DEPDC5: variants seen among roughly 807,000 people sequenced by gnomAD.
The protein encoded by DEPDC5 is DEP domain containing 5, GATOR1 subcomplex subunit.
DEPDC5 carries 73 observed loss-of-function variants against 217.3 expected under a neutral mutation model. The observed-to-expected ratio is 0.34, with a 90% CI of 0.28 to 0.41. The LOEUF (loss-of-function observed/expected upper bound fraction) is 0.41, where lower values mean the gene tolerates loss of function less well. Ranked by LOEUF, DEPDC5 falls within the 10% of genes least tolerant of loss-of-function variation. The pLI is 1.00. For missense variants in DEPDC5, 1,675 were observed against 2,070.1 expected, an observed-to-expected ratio of 0.81 and a Z score of 3.70; for synonymous variants, 733 against 756.7, an observed-to-expected ratio of 0.97 and a Z score of 0.51.
intron 37 of DEPDC5, among the ~76,000 whole-genome samples, chr22:31,876,817 G>A (rs982858396): frequency 1.3e-5 from 2 of 151,998 alleles, no homozygotes; most frequent in African/African-American, 4.8e-5. Flanking sequence ...CTTTTTTAGC[G>A]TGGTCAGAGC....
chr22:31,889,593 A>C (rs917391333), intron 38 of DEPDC5, among the ~76,000 whole-genome samples: 1 of 119,596 alleles, frequency 8.4e-6, no homozygotes, highest in Non-Finnish European at 1.6e-5. Context: ...TCTGTTGCCT[A>C]TGCTGGAGTG....
intron 24 of DEPDC5, among the ~76,000 whole-genome samples, chr22:31,825,373 G>C (rs2090059821): frequency 1.3e-5 from 2 of 152,214 alleles, no homozygotes; most frequent in Non-Finnish European, 2.9e-5. Context: ...CCATTGTGGA[G>C]TCCTCTGAGC....
Position 31,785,042 on chromosome 22 carries a change from A to C in DEPDC5, c.624+167A>C, listed in dbSNP as rs148632714. On this transcript the variant is annotated intron_variant, in intron 10 of 42. Transcript: ENST00000651528. ...TCTCAATTTATGAGAATTTATGAAAAACACAAAGCTAACATCACACTCAAT... is the reference window on the plus strand; with the variant it reads ...TCTCAATTTATGAGAATTTATGAAACACACAAAGCTAACATCACACTCAAT... 1.3e-3 allele frequency: 751 copies of C among 588,366 alleles called. 9 individuals are homozygous for C. In the East Asian group the frequency reaches 0.02, roughly 16 times the overall value. The allele number at this position is 588,366 out of a possible 1,614,324, so 36.4% of individuals were successfully genotyped here. A position where few individuals can be genotyped will look rare whatever the true frequency, so the allele number is the denominator to read the frequency against.
At chr22:31,785,671 G>A (rs866145426) in intron 10 of DEPDC5, among the ~76,000 whole-genome samples, 116 of 151,690 alleles carry the variant, frequency 7.6e-4, no homozygotes, top group African/African-American at 2.7e-3. Flanking sequence ...AAAGGGGAAC[G>A]AAGTTGGAGG....
At chr22:31,834,783 C>T (rs1323424874) in intron 25 of DEPDC5, among the ~76,000 whole-genome samples, 1 of 152,124 alleles carries the variant, frequency 6.6e-6, no homozygotes, top group African/African-American at 2.4e-5. Flanking sequence ...CCCGCCTTGG[C>T]CTCCCAAAGT....
chr22:31,878,312 C>CT (rs1276067762), intron 37 of DEPDC5, among the ~76,000 whole-genome samples: 2 of 152,100 alleles, frequency 1.3e-5, no homozygotes, highest in African/African-American at 4.8e-5. Flanking sequence ...ACACTTTTCC[C>CT]TTTAAATTAT....
At chr22:31,757,723 G>A (rs771141408) in intron 2 of DEPDC5, among the ~76,000 whole-genome samples, 8 of 152,108 alleles carry the variant, frequency 5.3e-5, no homozygotes, top group Non-Finnish European at 1.2e-4. Flanking sequence ...CCCTAGTAGA[G>A]GGGCAGGGGT....
chr22:31,832,108 TC>T (rs544023382), intron 24 of DEPDC5, among the ~76,000 whole-genome samples: 148 of 152,374 alleles, frequency 9.7e-4, no homozygotes, highest in African/African-American at 3.4e-3. Flanking sequence ...AATAGTTGCC[TC>T]CTTTTTATTG....
intron 17 of DEPDC5, 68 bp downstream of exon 17, chr22:31,804,983 A>G (rs2087341073): frequency 1.4e-6 from 2 of 1,456,928 alleles, no homozygotes; most frequent in South Asian, 2.4e-5. Context: ...TTTTTCTTTA[A>G]ATCTGTTAAG....
chr22:31,769,129 G>A (rs1223326713), intron 7 of DEPDC5: 6 of 220,696 alleles, frequency 2.7e-5, no homozygotes, highest in East Asian at 1.1e-4. Context: ...GCGTGGTGGC[G>A]GGCGCCTGTA....
chr22:31,895,824 A>G (rs1004622562), intron 39 of DEPDC5, among the ~76,000 whole-genome samples: 3 of 151,726 alleles, frequency 2.0e-5, no homozygotes, highest in Admixed American at 6.6e-5. Context: ...CCTCCCTTGG[A>G]AAGACTCTCA....
intron 7 of DEPDC5, among the ~76,000 whole-genome samples, chr22:31,775,592 C>T (rs530361427): frequency 2.6e-5 from 4 of 152,240 alleles, no homozygotes; most frequent in East Asian, 1.9e-4. Flanking sequence ...ATTGATTACA[C>T]GGTGCTCAGC....
In DEPDC5 at chr22:31,843,225, ATATT is replaced by A; in HGVS notation, c.2633+16_2633+19del. On this transcript the variant is annotated intron_variant, in intron 28 of 42. Transcript: ENST00000651528. Reference sequence around the variant, plus strand: ...GATACCTTCCCAAGTGAGTATTTGGATATTTAAAGTCTTCAGTTATTGTCCTGAA... The same window carrying A: ...GATACCTTCCCAAGTGAGTATTTGGATAAAGTCTTCAGTTATTGTCCTGAA... The A allele has an allele frequency of 6.2e-7, 1 of 1,610,654 alleles. No homozygotes were observed. Among genetic ancestry groups the A allele is most frequent in the Non-Finnish European group, 8.5e-7 (1 of 1,177,528 alleles).
At position 31,861,451 on chromosome 22, in the gene DEPDC5, G is replaced by A; in HGVS notation, c.3330+18G>A. 2.6e-6 allele frequency: 4 copies of A among 1,551,314 alleles called. No individual in the cohort carries two copies. Among genetic ancestry groups the A allele is most frequent in the Non-Finnish European group, 3.5e-6 (4 of 1,146,844 alleles). On this transcript the variant is annotated intron_variant, in intron 33 of 42. Transcript: ENST00000651528. ...ACCCTCAGGTTAGTCCAACTCCAGG[G>A]CTTCGCATGCCTGTCCCACTGGCAG...
intron 29 of DEPDC5, 110 bp downstream of exon 29, chr22:31,843,922 T>C (rs1569084587): frequency 2.4e-6 from 3 of 1,260,646 alleles, no homozygotes; most frequent in African/African-American, 1.5e-5. Context: ...CTTTTTTTTT[T>C]TCTTTGTAAA....
intron 26 of DEPDC5, 65 bp downstream of exon 26, chr22:31,837,220 C>T: frequency 6.5e-7 from 1 of 1,539,180 alleles, no homozygotes; most frequent in Non-Finnish European, 8.9e-7. Context: ...CCCACACATG[C>T]ATCAGAACAC....
chr22:31,807,738 C>T (rs1488991150), intron 18 of DEPDC5, among the ~76,000 whole-genome samples: 24 of 151,992 alleles, frequency 1.6e-4, no homozygotes, highest in Admixed American at 1.3e-4. Context: ...GGCCAGAACT[C>T]GAAAAAGTGG....
chr22:31,815,807 G>A (rs983421866), intron 21 of DEPDC5: 106 of 1,236,724 alleles, frequency 8.6e-5, no homozygotes, highest in Admixed American at 1.2e-4. Flanking sequence ...GAGATTACAG[G>A]CATGAACCAA....
chr22:31,800,716 C>T (rs556486996), intron 14 of DEPDC5, among the ~76,000 whole-genome samples: 1 of 152,234 alleles, frequency 6.6e-6, no homozygotes, highest in African/African-American at 2.4e-5. Flanking sequence ...GTGGCTCACA[C>T]CCATAATCCC....
Sources: allele counts gnomAD v4.1 joint callset (sites outside exome capture counted in the v4.1 genomes callset), GRCh38; gene constraint gnomAD v4.1.1; transcripts MANE v1.5; gene names NCBI Gene and HGNC (gene_info 2026-07-23, HGNC 2026-07-21).